The following PDE2A variants were observed in gnomAD, a reference collection of about 807,000 sequenced individuals.
PDE2A encodes cGMP-dependent 3',5'-cyclic phosphodiesterase.
In PDE2A, 53 loss-of-function variants were observed where a neutral mutation model predicts 133.6. The observed-to-expected ratio is 0.40, with a 90% confidence interval of 0.32 to 0.50. PDE2A has a LOEUF of 0.50. Ranked by LOEUF, PDE2A falls within the 20% of genes least tolerant of loss-of-function variation. The pLI, the probability that PDE2A is intolerant of heterozygous loss-of-function variation, is 0.73. For missense variants in PDE2A, 796 were observed against 1,232.4 expected (o/e 0.65, Z 5.30); for synonymous variants, 491 against 490.2 (o/e 1.00, Z -0.02).
At chr11:72,614,917 A>G (rs1857388225) in intron 2 of PDE2A, 2 of 331,604 alleles carry the variant, frequency 6.0e-6, no homozygotes, top group Non-Finnish European at 7.1e-6. Context: ...GCAGCGCAGG[A>G]GCCCAGTCTT....
In PDE2A at chr11:72,590,670, C is replaced by T; in HGVS notation, c.550-90G>A. ...TTCCTGCCTTTGCTCCCGCCGTTCC[C>T]TCTGCCTGCCGGGCCCAGGGACCCC... On this transcript the variant is annotated intron_variant, in intron 7 of 30. Coordinates refer to ENST00000334456, the MANE Select transcript of PDE2A (RefSeq NM_002599.5). This position sits in a 1 kb window ranked among gnomAD's most constrained non-coding sequence, Gnocchi z 4.8. 1 of 1,217,622 alleles carries T rather than the reference C, an allele frequency of 8.2e-7. No homozygotes were observed. Among genetic ancestry groups the T allele is most frequent in the Admixed American group, 4.0e-5 (1 of 25,136 alleles). The allele number at this position is 1,217,622 out of a possible 1,614,324, so 75.4% of individuals were successfully genotyped here. A position where few individuals can be genotyped will look rare whatever the true frequency, so the allele number is the denominator to read the frequency against.
At chr11:72,635,990 C>A in intron 2 of PDE2A, 1 of 1,246,120 alleles carries the variant, frequency 8.0e-7, no homozygotes, top group Non-Finnish European at 1.0e-6. Context: ...CCTGAGCTCC[C>A]GAAACTCCCA....
chr11:72,639,704 G>A (rs1031626376), intron 2 of PDE2A, among the ~76,000 whole-genome samples: 14 of 152,098 alleles, frequency 9.2e-5, no homozygotes, highest in Admixed American at 2.0e-4. Context: ...CCTGCCGCCC[G>A]CCTGTCCAGC....
At chr11:72,629,770 G>A (rs569664464) in intron 2 of PDE2A, among the ~76,000 whole-genome samples, 3 of 152,238 alleles carry the variant, frequency 2.0e-5, no homozygotes, top group Admixed American at 6.5e-5. Flanking sequence ...TCCAATCTTA[G>A]CTCTGTCCCA....
chr11:72,651,364 G>A (rs1180625569), intron 1 of PDE2A, among the ~76,000 whole-genome samples: 1 of 152,148 alleles, frequency 6.6e-6, no homozygotes. Flanking sequence ...AAGCACCTGT[G>A]TCTGCCTGCA....
chr11:72,663,462 T>C (rs7946369), intron 1 of PDE2A, among the ~76,000 whole-genome samples: 120,918 of 152,152 alleles, frequency 0.79, 48,634 homozygotes, highest in Middle Eastern at 0.89. Flanking sequence ...GGTGCAGTGG[T>C]TCACGCCTGT....
intron 1 of PDE2A, 22 bp from the exon 2 acceptor site, chr11:72,642,348 A>T (rs1381341176): frequency 1.4e-5 from 21 of 1,529,174 alleles, no homozygotes; most frequent in Non-Finnish European, 1.8e-5. Flanking sequence ...GACAACAGCG[A>T]TGAGGATGTG....
chr11:72,591,255 AG>A, intron 7 of PDE2A, 41 bp downstream of exon 7: 1 of 1,526,572 alleles, frequency 6.6e-7, no homozygotes, highest in Non-Finnish European at 9.1e-7. Flanking sequence ...AGCTGTGATA[AG>A]GGTCTTCAGC....
rs115650727 is a variant in PDE2A at position 72,665,369 on chromosome 11, C to T, written c.71+8768G>A. 6.7e-3 allele frequency among the ~76,000 whole-genome samples: 1,023 copies of T among 152,130 alleles called. 12 individuals carry two copies. The highest frequency in any genetic ancestry group is 0.024 in the African/African-American group (984 of 41,484). On this transcript the variant is annotated intron_variant, in intron 1 of 30. Transcript: ENST00000334456. ...CGCCTCGGACTTGCCCAGTCCTCCC[C>T]ATCCCACCCCCACTCCACCCCAGAG... is the stretch of plus-strand genomic sequence containing the variant.
chr11:72,620,215 G>C (rs1238195481), intron 2 of PDE2A, among the ~76,000 whole-genome samples: 2 of 152,162 alleles, frequency 1.3e-5, no homozygotes, highest in Non-Finnish European at 2.9e-5. Context: ...TCTGATTATA[G>C]GACTGGGGTA....
chr11:72,637,261 A>G (rs965069714), intron 2 of PDE2A, among the ~76,000 whole-genome samples: 3 of 151,682 alleles, frequency 2.0e-5, no homozygotes, highest in Non-Finnish European at 4.4e-5. Context: ...CACACACTCT[A>G]CCAACATCAC....
At chr11:72,611,135 C>A (rs10793036) in intron 2 of PDE2A, among the ~76,000 whole-genome samples, 1 of 152,018 alleles carries the variant, frequency 6.6e-6, no homozygotes. Flanking sequence ...GAGTCTGATG[C>A]ATGTGATGTG....
chr11:72,585,269 C>G, intron 16 of PDE2A, 102 bp downstream of exon 16: 6 of 971,426 alleles, frequency 6.2e-6, no homozygotes, highest in Non-Finnish European at 9.7e-6. Flanking sequence ...GATGAAGTCC[C>G]GCAGAAGGCA....
chr11:72,647,920 T>C (rs77814710), intron 1 of PDE2A, among the ~76,000 whole-genome samples: 21,199 of 152,218 alleles, frequency 0.14, 1,559 homozygotes, highest in Middle Eastern at 0.16. Context: ...TACACAGATA[T>C]GTCTGTGTAT....
chr11:72,622,753 G>C (rs894000565), intron 2 of PDE2A, among the ~76,000 whole-genome samples: 3 of 152,160 alleles, frequency 2.0e-5, no homozygotes, highest in African/African-American at 7.2e-5. Context: ...GAAGATGAAA[G>C]AGTTCCAGAG....
At chr11:72,628,371 C>A (rs1431993888) in intron 2 of PDE2A, among the ~76,000 whole-genome samples, 1 of 150,862 alleles carries the variant, frequency 6.6e-6, no homozygotes, top group Non-Finnish European at 1.5e-5. Flanking sequence ...CACTCTGTCA[C>A]CCAGGCTGAA....
chr11:72,583,839 G>C (rs905718036), intron 19 of PDE2A, among the ~76,000 whole-genome samples: 1 of 152,076 alleles, frequency 6.6e-6, no homozygotes. Context: ...GGGACCTTGG[G>C]GCTGGATTCC....
chr11:72,615,061 T>C (rs1440842704), intron 2 of PDE2A: 1 of 506,950 alleles, frequency 2.0e-6, no homozygotes, highest in East Asian at 5.8e-5. Context: ...CCGGCTTCAG[T>C]TGTTACTCCA....
intron 2 of PDE2A, among the ~76,000 whole-genome samples, chr11:72,634,413 G>T (rs1393047138): frequency 6.6e-6 from 1 of 152,328 alleles, no homozygotes; most frequent in South Asian, 2.1e-4. Flanking sequence ...CAGGGGAAGT[G>T]GGGGAGGCTG....
Sources: gnomAD v4.1 joint callset for allele counts (sites outside exome capture counted in the v4.1 genomes callset) on GRCh38, gnomAD v4.1.1 for gene constraint, Gnocchi (gnomAD v3.1) non-coding constraint, MANE v1.5 for transcripts, NCBI Gene and HGNC (gene_info 2026-07-23, HGNC 2026-07-21) for gene names.